The following HS3ST5 variants were observed in gnomAD, a reference collection of about 807,000 sequenced individuals.
HS3ST5 encodes the protein heparan sulfate-glucosamine 3-sulfotransferase 5, also known as heparan sulfate glucosamine 3-O-sulfotransferase 5.
In HS3ST5, 10 loss-of-function variants were observed where a neutral mutation model predicts 25.4. The ratio of observed to expected loss-of-function variants is 0.39; its 90% confidence interval spans 0.24 to 0.67. The LOEUF (loss-of-function observed/expected upper bound fraction) is 0.67, where lower values mean the gene tolerates loss of function less well. HS3ST5 is among the 30% of genes least tolerant of loss of function. HS3ST5 has a pLI of 0.44. For synonymous variants in HS3ST5, 170 were observed against 162.4 expected, an observed-to-expected ratio of 1.05 and a Z score of -0.36; for missense variants, 324 against 420.7, an observed-to-expected ratio of 0.77 and a Z score of 2.01.
At chr6:114,276,325 C>T (rs1459384160) in intron 1 of HS3ST5, among the ~76,000 whole-genome samples, 1 of 151,816 alleles carries the variant, frequency 6.6e-6, no homozygotes, top group African/African-American at 2.4e-5. Context: ...TAATTAATAC[C>T]TTGCTCTGAA....
chr6:114,132,336 ATTT>A (rs1777377271), intron 3 of HS3ST5: 1 of 152,240 alleles, frequency 6.6e-6, no homozygotes, highest in African/African-American at 2.4e-5. Context: ...CAATGCATCA[ATTT>A]TTGATATAAA....
intron 1 of HS3ST5, among the ~76,000 whole-genome samples, chr6:114,267,814 G>A (rs546103685): frequency 6.6e-6 from 1 of 152,170 alleles, no homozygotes; most frequent in African/African-American, 2.4e-5. Context: ...ACTCTTTCTC[G>A]AATTCCGGGT....
chr6:114,299,152 G>A (rs562873639), intron 1 of HS3ST5, among the ~76,000 whole-genome samples: 45 of 152,256 alleles, frequency 3.0e-4, no homozygotes, highest in African/African-American at 9.9e-4. Flanking sequence ...CCCTGAGGGT[G>A]GGCCTCTAAA....
At chr6:114,254,712 C>G (rs575353451) in intron 1 of HS3ST5, among the ~76,000 whole-genome samples, 2 of 152,176 alleles carry the variant, frequency 1.3e-5, no homozygotes, top group East Asian at 3.9e-4. Flanking sequence ...TGGCAATGGG[C>G]AAGAGAACAT....
At chr6:114,062,609 T>G in intron 4 of HS3ST5, 130 bp downstream of exon 4, 1 of 655,322 alleles carries the variant, frequency 1.5e-6, no homozygotes, top group South Asian at 1.9e-5. Context: ...AAATCAATAC[T>G]GCAGAAAAGC....
intron 1 of HS3ST5, among the ~76,000 whole-genome samples, chr6:114,295,065 A>T (rs1478800894): frequency 6.6e-6 from 1 of 152,158 alleles, no homozygotes; most frequent in Non-Finnish European, 1.5e-5. Flanking sequence ...AAACCCAGAT[A>T]GCTGGCATCA....
intron 1 of HS3ST5, among the ~76,000 whole-genome samples, chr6:114,331,066 A>C (rs1224747141): frequency 6.6e-6 from 1 of 152,198 alleles, no homozygotes; most frequent in East Asian, 1.9e-4. Context: ...CAACATTTCA[A>C]TATTTTGGAA....
chr6:114,219,324 T>C (rs1781922680), intron 2 of HS3ST5, among the ~76,000 whole-genome samples: 1 of 152,206 alleles, frequency 6.6e-6, no homozygotes, highest in Non-Finnish European at 1.5e-5. Context: ...TCTTGGACCA[T>C]ATAGGTTTAC....
intron 1 of HS3ST5, among the ~76,000 whole-genome samples, chr6:114,241,396 T>C (rs1004249833): frequency 6.6e-6 from 1 of 152,210 alleles, no homozygotes; most frequent in African/African-American, 2.4e-5. Context: ...TGTTAGTCCT[T>C]GTATTACTTC....
intron 1 of HS3ST5, among the ~76,000 whole-genome samples, chr6:114,240,022 A>G (rs1772036405): frequency 6.6e-6 from 1 of 151,584 alleles, no homozygotes; most frequent in Non-Finnish European, 1.5e-5. Context: ...ACACACACAC[A>G]CACACACACA....
chr6:114,142,969 T>G (rs1219075278), intron 3 of HS3ST5: 1 of 152,230 alleles, frequency 6.6e-6, no homozygotes, highest in Non-Finnish European at 1.5e-5. Flanking sequence ...GAGCTACAAG[T>G]GGTGGACGGT....
chr6:114,115,002 A>G (rs1189394515), intron 3 of HS3ST5, among the ~76,000 whole-genome samples: 1 of 152,262 alleles, frequency 6.6e-6, no homozygotes, highest in Admixed American at 6.5e-5. Flanking sequence ...TGCAGCGACC[A>G]GAGTCCTGGT....
At chr6:114,178,439 T>G in intron 2 of HS3ST5, among the ~76,000 whole-genome samples, 1 of 152,194 alleles carries the variant, frequency 6.6e-6, no homozygotes, top group East Asian at 1.9e-4. Flanking sequence ...AGTTCACTAC[T>G]TTAACTTGCC....
intron 3 of HS3ST5, among the ~76,000 whole-genome samples, chr6:114,141,563 G>C (rs185296972): frequency 6.6e-6 from 1 of 152,200 alleles, no homozygotes; most frequent in African/African-American, 2.4e-5. Flanking sequence ...GAGCTAAGCT[G>C]CATTTCCCTG....
At chr6:114,148,297 G>T (rs1964778) in intron 3 of HS3ST5, among the ~76,000 whole-genome samples, 53,512 of 152,026 alleles carry the variant, frequency 0.35, 9,923 homozygotes, top group East Asian at 0.61. Flanking sequence ...ATGGATTAAA[G>T]ACTTAATGTA....
chr6:114,202,738 C>T (rs1378746751), intron 2 of HS3ST5, among the ~76,000 whole-genome samples: 3 of 152,044 alleles, frequency 2.0e-5, no homozygotes, highest in African/African-American at 7.2e-5. Context: ...TTGGTAGATT[C>T]AGAGAGCTCT....
chr6:114,072,204 A>G (rs1562184507), intron 3 of HS3ST5, among the ~76,000 whole-genome samples: 1 of 152,292 alleles, frequency 6.6e-6, no homozygotes, highest in South Asian at 2.1e-4. Flanking sequence ...TGAGTGTTTA[A>G]AAAGAAAAAA....
At chr6:114,194,664 C>G (rs1780656837) in intron 2 of HS3ST5, among the ~76,000 whole-genome samples, 2 of 152,104 alleles carry the variant, frequency 1.3e-5, no homozygotes, top group African/African-American at 4.8e-5. Context: ...CCTGCTTTAC[C>G]CTTTGACATC....
intron 1 of HS3ST5, among the ~76,000 whole-genome samples, chr6:114,277,167 T>C (rs1773894921): frequency 6.6e-6 from 1 of 151,782 alleles, no homozygotes; most frequent in Non-Finnish European, 1.5e-5. Flanking sequence ...TTTCAAATAT[T>C]TGCAGAATCA....
Sources: allele counts gnomAD v4.1 joint callset (sites outside exome capture counted in the v4.1 genomes callset), GRCh38; gene constraint gnomAD v4.1.1; transcripts MANE v1.5; gene names NCBI Gene and HGNC (gene_info 2026-07-23, HGNC 2026-07-21).